CDH13: variants seen among roughly 807,000 people sequenced by gnomAD.
CDH13 encodes the protein cadherin-13.
In CDH13, 24 loss-of-function variants were observed where a neutral mutation model predicts 63.8. The observed-to-expected ratio is 0.38, with a 90% CI of 0.27 to 0.53. The LOEUF (loss-of-function observed/expected upper bound fraction) is 0.53, where lower values mean the gene tolerates loss of function less well. Ranked by LOEUF, CDH13 falls within the 20% of genes least tolerant of loss-of-function variation. CDH13 has a pLI of 0.85. For missense variants in CDH13, 1,049 were observed against 903.1 expected, an observed-to-expected ratio of 1.16 and a Z score of -2.07; for synonymous variants, 503 against 355.3, an observed-to-expected ratio of 1.42 and a Z score of -4.67.
intron 6 of CDH13, among the ~76,000 whole-genome samples, chr16:83,486,065 C>T (rs554338140): frequency 1.3e-5 from 2 of 151,996 alleles, no homozygotes; most frequent in Non-Finnish European, 2.9e-5. Context: ...ATCACTTGAA[C>T]CTGGGAGGCG....
At chr16:83,758,974 G>A (rs1478264671) in intron 11 of CDH13, among the ~76,000 whole-genome samples, 1 of 152,208 alleles carries the variant, frequency 6.6e-6, no homozygotes, top group Non-Finnish European at 1.5e-5. Flanking sequence ...AAACCGACCT[G>A]AGGGATTCAA....
intron 7 of CDH13, among the ~76,000 whole-genome samples, chr16:83,572,074 A>G (rs1019864851): frequency 6.6e-6 from 1 of 152,146 alleles, no homozygotes; most frequent in Non-Finnish European, 1.5e-5. Context: ...AAAACTCACA[A>G]AGGCTGACAT....
intron 1 of CDH13, among the ~76,000 whole-genome samples, chr16:82,682,274 C>T (rs1466800479): frequency 6.6e-6 from 1 of 152,184 alleles, no homozygotes; most frequent in Non-Finnish European, 1.5e-5. Flanking sequence ...CATCAACATG[C>T]TGATTCCATC....
rs1307531925 is a variant in CDH13, at chr16:82,639,219, G to A, written c.45+12082G>A. The A allele has an allele frequency of 8.1e-6, 4 of 491,432 alleles. No individual in the cohort carries two copies. The Admixed American group carries it at 1.0e-4, about 13-fold the overall frequency. 30.4% of individuals were successfully genotyped at this position (491,432 alleles called of 1,614,324 possible). On this transcript the variant is annotated intron_variant, in intron 1 of 13. Coordinates refer to ENST00000567109, the MANE Select transcript of CDH13 (RefSeq NM_001257.5). ...TAAAGTCAAGATAGCTGCCTGGGAT[G>A]ACTACTTTTTTGAGTTCCTAGTCTC...
chr16:83,301,864 A>C (rs1308497721), intron 5 of CDH13, among the ~76,000 whole-genome samples: 3 of 152,066 alleles, frequency 2.0e-5, no homozygotes, highest in Non-Finnish European at 4.4e-5. Context: ...TTAAAGAAAT[A>C]GGCAGGGAGA....
chr16:83,136,289 C>G (rs1218416717), intron 4 of CDH13, among the ~76,000 whole-genome samples: 1 of 151,852 alleles, frequency 6.6e-6, no homozygotes, highest in Non-Finnish European at 1.5e-5. Flanking sequence ...CGAGACCATC[C>G]TGGCTAACAT....
chr16:83,427,115 A>G (rs2071934287), intron 6 of CDH13, among the ~76,000 whole-genome samples: 1 of 151,022 alleles, frequency 6.6e-6, no homozygotes, highest in African/African-American at 2.4e-5. Flanking sequence ...TTGGGTAGAG[A>G]CGGGGTTTCA....
intron 2 of CDH13, among the ~76,000 whole-genome samples, chr16:82,955,717 G>A (rs1905983838): frequency 6.6e-6 from 1 of 152,192 alleles, no homozygotes; most frequent in Non-Finnish European, 1.5e-5. Context: ...TGCACTAGAA[G>A]ATACAGCATT....
chr16:83,132,782 C>G (rs2036116707), intron 4 of CDH13, among the ~76,000 whole-genome samples: 2 of 152,078 alleles, frequency 1.3e-5, no homozygotes, highest in Non-Finnish European at 2.9e-5. Context: ...TTACCATAGG[C>G]TAGAGTATAG....
chr16:83,178,301 A>T (rs2038210155), intron 4 of CDH13, among the ~76,000 whole-genome samples: 1 of 152,130 alleles, frequency 6.6e-6, no homozygotes, highest in South Asian at 2.1e-4. Flanking sequence ...GCCAGCTGCG[A>T]CAACTAAAAA....
At chr16:83,761,393 C>T (rs1411243908) in intron 11 of CDH13, among the ~76,000 whole-genome samples, 1 of 152,200 alleles carries the variant, frequency 6.6e-6, no homozygotes, top group Non-Finnish European at 1.5e-5. Flanking sequence ...TTACATTTCA[C>T]TGAGTTTAGT....
rs1011673452 is a variant in CDH13, at chr16:83,715,122, C to G, written c.1539-32986C>G. Among the ~76,000 whole-genome samples the G allele has an allele frequency of 3.9e-5, 6 of 152,166 alleles. No homozygotes were observed. The East Asian group carries it at 1.2e-3, about 29-fold the overall frequency. ...ATGCCTTTGCTCATAAATACCCCCA[C>G]CTTATTCCACAAAAGATATGAAATG... is the stretch of plus-strand genomic sequence containing the variant. On this transcript the variant is annotated intron_variant, in intron 10 of 13. Coordinates refer to ENST00000567109, the MANE Select transcript of CDH13 (RefSeq NM_001257.5).
At chr16:83,431,763 GGGAT>G (rs1567668337) in intron 6 of CDH13, among the ~76,000 whole-genome samples, 3 of 152,070 alleles carry the variant, frequency 2.0e-5, no homozygotes, top group African/African-American at 7.3e-5. Flanking sequence ...TAGCACCAAG[GGGAT>G]GGCACTAAAC....
intron 1 of CDH13, among the ~76,000 whole-genome samples, chr16:82,815,014 T>G (rs1048618514): frequency 3.3e-5 from 5 of 152,180 alleles, no homozygotes; most frequent in Non-Finnish European, 7.4e-5. Context: ...CATTTTGTTT[T>G]TTTTTCTATC....
At chr16:82,654,064 T>G (rs984868533) in intron 1 of CDH13, among the ~76,000 whole-genome samples, 1 of 152,168 alleles carries the variant, frequency 6.6e-6, no homozygotes, top group Non-Finnish European at 1.5e-5. Flanking sequence ...GGATTCCCCT[T>G]ATGACATAAA....
At chr16:83,627,711 C>T (rs1003435428) in intron 8 of CDH13, among the ~76,000 whole-genome samples, 4 of 152,048 alleles carry the variant, frequency 2.6e-5, no homozygotes, top group Non-Finnish European at 4.4e-5. Flanking sequence ...CCACTGTTAC[C>T]GGAAAGAGGT....
At chr16:83,490,447 T>C (rs2073988678) in intron 7 of CDH13, among the ~76,000 whole-genome samples, 1 of 152,178 alleles carries the variant, frequency 6.6e-6, no homozygotes, top group Admixed American at 6.5e-5. Context: ...TTGTTATCCT[T>C]TCTTCTTCCC....
chr16:83,307,850 T>C (rs2089914487), intron 5 of CDH13, among the ~76,000 whole-genome samples: 1 of 152,212 alleles, frequency 6.6e-6, no homozygotes, highest in African/African-American at 2.4e-5. Context: ...TTGCCGGTAA[T>C]ATGCGTGCTG....
intron 5 of CDH13, among the ~76,000 whole-genome samples, chr16:83,245,562 G>C (rs1210514019): frequency 6.6e-6 from 1 of 152,182 alleles, no homozygotes; most frequent in African/African-American, 2.4e-5. Context: ...TTACACACCT[G>C]TAGTGAAGGG....
Sources: allele counts gnomAD v4.1 joint callset (sites outside exome capture counted in the v4.1 genomes callset), GRCh38; gene constraint gnomAD v4.1.1; transcripts MANE v1.5; gene names NCBI Gene and HGNC (gene_info 2026-07-23, HGNC 2026-07-21).